FGD6: variants seen among roughly 807,000 people sequenced by gnomAD.
FGD6 encodes the protein FYVE, RhoGEF and PH domain-containing protein 6.
In FGD6, 90 loss-of-function variants were observed where a neutral mutation model predicts 149.4. The ratio of observed to expected loss-of-function variants is 0.60; its 90% CI spans 0.51 to 0.72. The LOEUF (loss-of-function observed/expected upper bound fraction) is 0.72, where lower values mean the gene tolerates loss of function less well. Among genes scored for constraint, FGD6 ranks in the 30% least tolerant of loss-of-function variants. The pLI, the probability that FGD6 is intolerant of heterozygous loss-of-function variation, is 0.00. For synonymous variants in FGD6, 527 were observed against 584.0 expected, an observed-to-expected ratio of 0.90 and a Z score of 1.41; for missense variants, 1,437 against 1,684.8, an observed-to-expected ratio of 0.85 and a Z score of 2.57.
At chr12:95,102,457 A>AAAAAT (rs1555216922) in intron 14 of FGD6, among the ~76,000 whole-genome samples, 1 of 151,256 alleles carries the variant, frequency 6.6e-6, no homozygotes, top group Non-Finnish European at 1.5e-5. Context: ...AAAAAAAAAA[A>AAAAAT]AAAAAAAAAA....
At chr12:95,152,746 T>C (rs1880346546) in intron 5 of FGD6, 65 bp downstream of exon 5, 2 of 1,454,998 alleles carry the variant, frequency 1.4e-6, no homozygotes, top group Admixed American at 1.9e-5. Context: ...TGAAAACTTC[T>C]AGGGGTAGGG....
chr12:95,132,193 C>T (rs1036534084), intron 8 of FGD6, among the ~76,000 whole-genome samples: 5 of 152,002 alleles, frequency 3.3e-5, no homozygotes, highest in Non-Finnish European at 4.4e-5. Context: ...CACTGTCACC[C>T]GGGCTGAAGT....
intron 5 of FGD6, among the ~76,000 whole-genome samples, chr12:95,141,809 T>C (rs539672512): frequency 6.6e-6 from 1 of 152,352 alleles, no homozygotes; most frequent in Admixed American, 6.5e-5. Context: ...AACTTAGCAA[T>C]TATACTAAGC....
intron 8 of FGD6, among the ~76,000 whole-genome samples, chr12:95,121,411 T>C (rs1385687496): frequency 6.9e-6 from 1 of 145,018 alleles, no homozygotes; most frequent in African/African-American, 2.6e-5. Context: ...GTTCACATCA[T>C]TGCACTCCAG....
intron 2 of FGD6, among the ~76,000 whole-genome samples, chr12:95,173,135 G>A (rs577142456): frequency 3.3e-5 from 5 of 152,208 alleles, no homozygotes; most frequent in Admixed American, 2.0e-4. Flanking sequence ...CTTGGGCCTT[G>A]GTGTTTAAAA....
chr12:95,149,833 TA>T (rs1719429729), intron 5 of FGD6, among the ~76,000 whole-genome samples: 1 of 146,390 alleles, frequency 6.8e-6, no homozygotes, highest in South Asian at 2.1e-4. Flanking sequence ...ATATATAATA[TA>T]TAGTACATAT....
intron 16 of FGD6, 32 bp downstream of exon 16, chr12:95,092,667 C>A (rs1176844195): frequency 6.2e-7 from 1 of 1,610,966 alleles, no homozygotes; most frequent in African/African-American, 1.3e-5. Context: ...ACAGTAAAGA[C>A]CACAATGGAG....
At chr12:95,196,254 A>G (rs1298213405) in intron 2 of FGD6, among the ~76,000 whole-genome samples, 2 of 152,278 alleles carry the variant, frequency 1.3e-5, no homozygotes, top group African/African-American at 2.4e-5. Context: ...GCACAGTAAC[A>G]GCAGGTTGTG....
At chr12:95,113,883 G>A (rs1878919455) in intron 8 of FGD6, among the ~76,000 whole-genome samples, 182 bp from the exon 9 acceptor site, 1 of 152,134 alleles carries the variant, frequency 6.6e-6, no homozygotes, top group Non-Finnish European at 1.5e-5. Flanking sequence ...AAGACATAGA[G>A]TCAGAGCTAG....
intron 3 of FGD6, among the ~76,000 whole-genome samples, chr12:95,166,702 C>CA (rs1454755743): frequency 1.3e-5 from 2 of 151,186 alleles, no homozygotes; most frequent in African/African-American, 2.4e-5. Context: ...GACCCCATCT[C>CA]AAAAAAAATA....
rs761126877 is a variant in FGD6, at chr12:95,217,292, C to A, written c.-52G>T. The A allele has an allele frequency of 7.6e-6, 12 of 1,579,678 alleles. No homozygotes were observed. The highest frequency in any genetic ancestry group is 1.0e-5 in the Non-Finnish European group (12 of 1,157,892). On this transcript the variant is annotated 5_prime_UTR_variant, in exon 1 of 21. It adds an upstream start codon to the 5' untranslated region. Coordinates refer to ENST00000343958, the MANE Select transcript of FGD6 (RefSeq NM_018351.4). ...GCTCGGCCCCTCAATCCATCTTCCC[C>A]TTTCAGTCCATTGTTCCCACAGTTC...
At chr12:95,146,036 G>A (rs538578504) in intron 5 of FGD6, among the ~76,000 whole-genome samples, 1 of 152,162 alleles carries the variant, frequency 6.6e-6, no homozygotes, top group African/African-American at 2.4e-5. Flanking sequence ...TTCAACAAGT[G>A]TCACTGAATA....
chr12:95,142,204 C>T lies in FGD6; in HGVS notation c.2686-665G>A, dbSNP rs1412518934. Among the ~76,000 whole-genome samples the T allele has an allele frequency of 1.1e-4, 16 of 150,470 alleles. No homozygotes were observed. In the East Asian group the frequency reaches 1.4e-3, roughly 13 times the overall value. The stretch of plus-strand genomic sequence containing the variant: ...TCACCCACGCTAGAGTACAGTGGCG[C>T]GATCTTGGCTCACTGCAACCTCCGC... On this transcript the variant is annotated intron_variant, in intron 5 of 20. Transcript: ENST00000343958.
Position 95,182,624 on chromosome 12 carries a change from T to C in FGD6, c.2442-9880A>G, listed in dbSNP as rs567246792. On this transcript the variant is annotated intron_variant, in intron 2 of 20. Transcript: ENST00000343958. The stretch of plus-strand genomic sequence containing the variant: ...TTCATTTACTATTTTAGGAGGCAGA[T>C]GAAGATAATATTGAATTAGTTACAA... 3.3e-5 allele frequency among the ~76,000 whole-genome samples: 5 copies of C among 152,392 alleles called. No individual in the cohort carries two copies. The South Asian group carries it at 1.0e-3, about 32-fold the overall frequency.
intron 2 of FGD6, among the ~76,000 whole-genome samples, chr12:95,207,101 C>T (rs1026450090): frequency 6.6e-6 from 1 of 151,780 alleles, no homozygotes; most frequent in Non-Finnish European, 1.5e-5. Context: ...GGGAGGGACC[C>T]GGTGGGAGGT....
chr12:95,198,564 C>T (rs952218039), intron 2 of FGD6, among the ~76,000 whole-genome samples: 1 of 152,208 alleles, frequency 6.6e-6, no homozygotes. Flanking sequence ...CTCAGCCTCC[C>T]GAGTAGCTAG....
chr12:95,208,095 AC>A (rs915790254), intron 2 of FGD6, among the ~76,000 whole-genome samples: 5 of 152,014 alleles, frequency 3.3e-5, no homozygotes, highest in African/African-American at 9.7e-5. Flanking sequence ...TACAAAAAAT[AC>A]AAAAATTATC....
At chr12:95,107,350 G>A (rs956576295) in intron 12 of FGD6, among the ~76,000 whole-genome samples, 1 of 152,064 alleles carries the variant, frequency 6.6e-6, no homozygotes, top group African/African-American at 2.4e-5. Flanking sequence ...GTTAGAAATG[G>A]AATAAATTCC....
chr12:95,117,099 G>A lies in FGD6; in HGVS notation c.3083-3398C>T, dbSNP rs1387491149. ...GCAGAAGCTTTCCTAATAACAACGA[G>A]GAGAGCAGTCATTTCAGTTTGCCAT... On this transcript the variant is annotated intron_variant, in intron 8 of 20. Transcript: ENST00000343958. The A allele has an allele frequency of 2.0e-5, 5 of 251,762 alleles. No homozygotes were observed. The East Asian group carries it at 2.8e-4, about 14-fold the overall frequency. The allele number at this position is 251,762 out of a possible 1,614,324, so 15.6% of individuals were successfully genotyped here.
Sources: allele counts gnomAD v4.1 joint callset (sites outside exome capture counted in the v4.1 genomes callset), GRCh38; gene constraint gnomAD v4.1.1; transcripts MANE v1.5; gene names NCBI Gene and HGNC (gene_info 2026-07-23, HGNC 2026-07-21).